Variants in DMD observed in about 807,000 individuals in gnomAD.
DMD encodes mutant dystrophin.
DMD carries 63 observed loss-of-function variants against 330.1 expected under a neutral mutation model. That is an observed-to-expected ratio of 0.19 (90% confidence interval 0.16 to 0.24). The LOEUF (loss-of-function observed/expected upper bound fraction) is 0.24. Among genes scored for constraint, DMD ranks in the 10% least tolerant of loss-of-function variants. The pLI is 1.00. For missense variants in DMD, 3,344 were observed against 2,684.1 expected (o/e 1.25, Z -5.43); for synonymous variants, 1,223 against 959.8 (o/e 1.27, Z -5.07).
chrX:32,997,203 C>A (rs1285048053), intron 2 of DMD, among the ~76,000 whole-genome samples: 1 of 109,932 alleles, frequency 9.1e-6, no homozygotes, highest in African/African-American at 3.3e-5. Context: ...TTTGTGGGTA[C>A]ACTGTAGGTG....
chrX:31,721,718 C>CTCTCTATATA (rs1227959078), intron 52 of DMD, among the ~76,000 whole-genome samples: 4 of 56,483 alleles, frequency 7.1e-5, no homozygotes, highest in South Asian at 1.1e-3. Context: ...CTCTCTCTCT[C>CTCTCTATATA]TATATATATA....
At chrX:32,412,764 G>A (rs2098148590) in intron 29 of DMD, among the ~76,000 whole-genome samples, 1 of 111,540 alleles carries the variant, frequency 9.0e-6, no homozygotes, top group Non-Finnish European at 1.9e-5. Context: ...AATATACAAT[G>A]TAAAGGCATG....
chrX:32,301,661 G>T (rs2097524291), intron 42 of DMD, among the ~76,000 whole-genome samples: 2 of 110,365 alleles, frequency 1.8e-5, no homozygotes, highest in African/African-American at 3.3e-5. Context: ...GCAAAGGAAA[G>T]ACAACAAAAA....
intron 52 of DMD, among the ~76,000 whole-genome samples, chrX:31,715,498 C>G (rs981201291): frequency 4.0e-5 from 4 of 99,730 alleles, no homozygotes; most frequent in Admixed American, 1.1e-4. Flanking sequence ...AGCCGAGATC[C>G]CGCCACTGCA....
At chrX:32,425,122 A>G (rs1252446852) in intron 29 of DMD, among the ~76,000 whole-genome samples, 1 of 111,640 alleles carries the variant, frequency 9.0e-6, no homozygotes, top group East Asian at 2.8e-4. Context: ...ATTCTCTAAC[A>G]CTTCTCCTGA....
intron 59 of DMD, among the ~76,000 whole-genome samples, chrX:31,468,512 T>C (rs933984489): frequency 8.9e-6 from 1 of 112,231 alleles, no homozygotes; most frequent in Admixed American, 9.5e-5. Flanking sequence ...TCTAATTTGA[T>C]TGTACTGTGG....
rs139743405 is a variant in DMD, at chrX:32,702,447, G to A, written c.650-3154C>T. Among the ~76,000 whole-genome samples the A allele has an allele frequency of 3.5e-3, 390 of 111,467 alleles. 3 individuals are homozygous for A. Among genetic ancestry groups the A allele is most frequent in the African/African-American group, 0.012 (361 of 30,719 alleles). On this transcript the variant is annotated intron_variant, in intron 7 of 78. Coordinates refer to ENST00000357033, the MANE Select transcript of DMD (RefSeq NM_004006.3). ...ACACATTAGCGATGTCTTGGCAACA[G>A]TGGCTTTGTGTGTCTTAGAGAGAGT... is the stretch of plus-strand genomic sequence containing the variant.
At chrX:31,162,027 CCT>C (rs1369323819) in intron 74 of DMD, among the ~76,000 whole-genome samples, 1 of 109,087 alleles carries the variant, frequency 9.2e-6, no homozygotes, top group African/African-American at 3.5e-5. Flanking sequence ...TTTGTAAAGG[CCT>C]CTCTACTCCC....
At chrX:31,233,119 C>T (rs1183179762) in intron 63 of DMD, among the ~76,000 whole-genome samples, 1 of 111,726 alleles carries the variant, frequency 9.0e-6, no homozygotes, top group Non-Finnish European at 1.9e-5. Context: ...TCCCTCTTGA[C>T]AGGCGACTTA....
chrX:31,551,424 C>T (rs1175139665), intron 55 of DMD, among the ~76,000 whole-genome samples: 2 of 110,793 alleles, frequency 1.8e-5, no homozygotes, highest in Non-Finnish European at 3.8e-5. Flanking sequence ...GCTAAGAGGA[C>T]ATGGAAAGGA....
At chrX:32,146,348 G>A (rs1487318304) in intron 44 of DMD, among the ~76,000 whole-genome samples, 1 of 111,706 alleles carries the variant, frequency 9.0e-6, no homozygotes, top group Admixed American at 9.6e-5. Context: ...CAGGGAGAGG[G>A]AGAGGGAAAG....
chrX:31,665,676 A>C (rs982364369), intron 53 of DMD, among the ~76,000 whole-genome samples: 29 of 111,711 alleles, frequency 2.6e-4, no homozygotes, highest in African/African-American at 8.4e-4. Flanking sequence ...CTACATACCA[A>C]CGTCGTTACT....
chrX:32,751,633 G>A (rs1318497135), intron 7 of DMD, among the ~76,000 whole-genome samples: 2 of 112,744 alleles, frequency 1.8e-5, no homozygotes, highest in Admixed American at 1.9e-4. Context: ...GCCCACTGCA[G>A]AAATTTGTAT....
At chrX:31,405,026 T>A (rs779157683) in intron 60 of DMD, among the ~76,000 whole-genome samples, 2 of 111,789 alleles carry the variant, frequency 1.8e-5, no homozygotes, top group South Asian at 7.5e-4. Flanking sequence ...GAGAAATGCA[T>A]GCTGCTGAAG....
intron 2 of DMD, among the ~76,000 whole-genome samples, chrX:32,921,338 T>A (rs186682030): frequency 1.8e-5 from 2 of 112,013 alleles, no homozygotes; most frequent in East Asian, 5.6e-4. Context: ...AGAGAAAAAG[T>A]AACAAAAATT....
intron 28 of DMD, among the ~76,000 whole-genome samples, chrX:32,440,328 T>C (rs767677872): frequency 9.0e-6 from 1 of 111,695 alleles, no homozygotes; most frequent in African/African-American, 3.2e-5. Flanking sequence ...TTTTCAGGTT[T>C]TATAATTTCC....
chrX:31,719,447 T>C (rs756870744), intron 52 of DMD, among the ~76,000 whole-genome samples: 2 of 112,061 alleles, frequency 1.8e-5, no homozygotes, highest in East Asian at 5.6e-4. Flanking sequence ...CCTCCAAAAT[T>C]CAAAAGCTTT....
At chrX:33,292,060 T>C (rs1473656824) in intron 1 of DMD, among the ~76,000 whole-genome samples, 1 of 111,243 alleles carries the variant, frequency 9.0e-6, no homozygotes, top group African/African-American at 3.3e-5. Context: ...ATCTTAGGAG[T>C]AATTACCACG....
chrX:33,041,913 T>G (rs1201278632), intron 1 of DMD, among the ~76,000 whole-genome samples: 1 of 109,917 alleles, frequency 9.1e-6, no homozygotes, highest in African/African-American at 3.3e-5. Flanking sequence ...CCATACGTGA[T>G]GTGTGGTTTA....
Sources: allele counts gnomAD v4.1 joint callset (sites outside exome capture counted in the v4.1 genomes callset), GRCh38; gene constraint gnomAD v4.1.1; transcripts MANE v1.5; gene names NCBI Gene and HGNC (gene_info 2026-07-23, HGNC 2026-07-21).